Variants in CEP120 observed in about 807,000 individuals in gnomAD.
The protein encoded by CEP120 is centrosomal protein of 120 kDa.
In CEP120, 113 loss-of-function variants were observed where a neutral mutation model predicts 126.5. The ratio of observed to expected loss-of-function variants is 0.89; its 90% confidence interval spans 0.77 to 1.04. The LOEUF (loss-of-function observed/expected upper bound fraction) is 1.04, where lower values mean the gene tolerates loss of function less well. Among genes scored for constraint, CEP120 ranks in the 50% least tolerant of loss-of-function variants. The pLI, the probability that CEP120 is intolerant of heterozygous loss-of-function variation, is 0.00. For missense variants in CEP120, 1,230 were observed against 1,155.7 expected, an observed-to-expected ratio of 1.06 and a Z score of -0.93; for synonymous variants, 400 against 394.3, an observed-to-expected ratio of 1.01 and a Z score of -0.17.
chr5:123,362,427 A>G (rs937529817), intron 18 of CEP120, among the ~76,000 whole-genome samples: 1 of 151,830 alleles, frequency 6.6e-6, no homozygotes, highest in African/African-American at 2.4e-5. Context: ...TGGGTCTATC[A>G]CTTAGTACCT....
rs776090638 is a variant in CEP120 at position 123,386,675 on chromosome 5, TTAA to T, written c.1431-11_1431-9del. On this transcript the variant is annotated splice_polypyrimidine_tract_variant and intron_variant, in intron 9 of 19. Coordinates refer to ENST00000306467, the MANE Select transcript of CEP120 (RefSeq NM_001375405.1). ...AAGAATGGATATGAGTACCTAGAAT[TTAA>T]AAAAAAAAAAAAAAAAAAAAGCCTT... The T allele has an allele frequency of 0.038, 25,637 of 670,252 alleles. 198 individuals are homozygous for T. The highest frequency in any genetic ancestry group is 0.052 in the Middle Eastern group (108 of 2,074). 41.5% of individuals were successfully genotyped at this position (670,252 alleles called of 1,614,324 possible). A position where few individuals can be genotyped will look rare whatever the true frequency, so the allele number is the denominator to read the frequency against.
rs759626203 is a variant in CEP120, at chr5:123,393,377, G to A, written c.733C>T (p.Pro245Ser). Reference protein sequence around the residue: ...FNDLINPNFEPERASVRIRSS... With the variant: ...FNDLINPNFESERASVRIRSS... The stretch of plus-strand genomic sequence containing the variant: ...CGGATGCGAACTGATGCTCTCTCTG[G>A]CTCAAAGTTTGGGTTGATTAAATCA... Residue 245 changes from proline (P) to serine (S), a missense_variant, in exon 6 of 20, where the codon CCA becomes TCA. Transcript: ENST00000306467. The A allele has an allele frequency of 2.5e-6, 4 of 1,614,072 alleles. No individual in the cohort carries two copies. The highest frequency in any genetic ancestry group is 3.4e-6 in the Non-Finnish European group (4 of 1,179,980).
In CEP120 at chr5:123,382,117, C is replaced by T. The variant is rs1191300655; in HGVS notation, c.2097G>A (p.Lys699=). Residue 699 remains lysine (K), a synonymous_variant, in exon 14 of 20, where the codon AAG becomes AAA. Transcript: ENST00000306467. ...CTTTTACACAAGTTATTACCTTTTT[C>T]TTTACTAGTGATTCTCTTTCTCGGT... is the stretch of plus-strand genomic sequence containing the variant. ...KRDRERESLV[K]KKVAEYTILE... is the part of the protein sequence containing the mutation. The T allele has an allele frequency of 6.3e-7, 1 of 1,593,328 alleles. No homozygotes were observed. Among genetic ancestry groups the T allele is most frequent in the Non-Finnish European group, 8.6e-7 (1 of 1,165,960 alleles).
At chr5:123,391,407 A>T in intron 6 of CEP120, 70 bp from the exon 7 acceptor site, 1 of 1,222,088 alleles carries the variant, frequency 8.2e-7, no homozygotes. Flanking sequence ...CATAAACTTA[A>T]TAAGAAGTTG....
chr5:123,419,707 A>G (rs578160805), intron 1 of CEP120, among the ~76,000 whole-genome samples: 1 of 152,288 alleles, frequency 6.6e-6, no homozygotes, highest in South Asian at 2.1e-4. Context: ...GCCAAACCCC[A>G]TTTCATCAAT....
chr5:123,422,632 G>A (rs1297592874), intron 1 of CEP120: 10 of 1,223,562 alleles, frequency 8.2e-6, no homozygotes, highest in Non-Finnish European at 1.2e-5. Context: ...TGATCAGAAC[G>A]CGCTTCTCAG....
intron 6 of CEP120, among the ~76,000 whole-genome samples, chr5:123,392,172 GA>G (rs1468639146): frequency 6.6e-6 from 1 of 151,696 alleles, no homozygotes; most frequent in African/African-American, 2.4e-5. Flanking sequence ...TTATGGGCTG[GA>G]AAAAAAAGTA....
chr5:123,365,240 A>C (rs997794537), intron 17 of CEP120, among the ~76,000 whole-genome samples: 1 of 149,744 alleles, frequency 6.7e-6, no homozygotes, highest in Non-Finnish European at 1.5e-5. Flanking sequence ...TAAAGAAAAC[A>C]CTAAAGTGAT....
chr5:123,410,844 T>C (rs138505784), intron 4 of CEP120, among the ~76,000 whole-genome samples: 328 of 152,308 alleles, frequency 2.2e-3, no homozygotes, highest in Non-Finnish European at 3.8e-3. Flanking sequence ...CGGACTTCAT[T>C]AAAATTTAAA....
At chr5:123,353,276 G>T (rs563816168) in intron 18 of CEP120, among the ~76,000 whole-genome samples, 175 of 151,854 alleles carry the variant, frequency 1.2e-3, no homozygotes, top group African/African-American at 3.9e-3. Flanking sequence ...CAAATTTCCT[G>T]TCTAGTCTTA....
intron 17 of CEP120, 47 bp from the exon 18 acceptor site, chr5:123,364,641 T>C: frequency 1.8e-6 from 2 of 1,091,156 alleles, no homozygotes; most frequent in Non-Finnish European, 2.7e-6. Flanking sequence ...TACCACTGTG[T>C]ACAACCACTG....
chr5:123,416,404 TA>T (rs905714524), intron 2 of CEP120, among the ~76,000 whole-genome samples: 1 of 149,886 alleles, frequency 6.7e-6, no homozygotes, highest in Non-Finnish European at 1.5e-5. Flanking sequence ...CTACTAAAAT[TA>T]AAAAAAACAA....
At chr5:123,379,450 T>G (rs1771492478) in intron 14 of CEP120, among the ~76,000 whole-genome samples, 1 of 152,104 alleles carries the variant, frequency 6.6e-6, no homozygotes, top group Non-Finnish European at 1.5e-5. Context: ...TTCTGATATT[T>G]CTACCGTTCT....
At chr5:123,396,276 T>C (rs897977386) in intron 5 of CEP120, among the ~76,000 whole-genome samples, 1 of 152,216 alleles carries the variant, frequency 6.6e-6, no homozygotes, top group Admixed American at 6.5e-5. Context: ...ATACAGATTT[T>C]TATTTGAATA....
intron 1 of CEP120, among the ~76,000 whole-genome samples, chr5:123,418,999 T>C (rs1436221077): frequency 6.6e-6 from 1 of 152,166 alleles, no homozygotes; most frequent in Non-Finnish European, 1.5e-5. Context: ...ATAAGAAACA[T>C]GAATCAAATG....
intron 17 of CEP120, among the ~76,000 whole-genome samples, chr5:123,368,313 C>T (rs1367244762): frequency 6.6e-6 from 1 of 151,900 alleles, no homozygotes; most frequent in Non-Finnish European, 1.5e-5. Flanking sequence ...CTCTTAGACA[C>T]CCACATAATA....
chr5:123,387,543 T>C (rs935956791), intron 9 of CEP120, among the ~76,000 whole-genome samples: 1 of 152,110 alleles, frequency 6.6e-6, no homozygotes, highest in Non-Finnish European at 1.5e-5. Context: ...ATACAGAGCA[T>C]GGTATGAAAA....
Position 123,399,220 on chromosome 5 carries a change from G to C in CEP120, c.528C>G (p.Gly176=). The C allele has an allele frequency of 6.2e-7, 1 of 1,613,914 alleles. No individual in the cohort carries two copies. Among genetic ancestry groups the C allele is most frequent in the South Asian group, 1.1e-5 (1 of 91,078 alleles). ...DIVAVLNEEG[G]YHQIGPAEYC... ...ATTCTGCTGGTCCAATCTGATGGTAGCCTCCCTCTTCATTCAGCACAGCCA... is the reference window on the plus strand; with the variant it reads ...ATTCTGCTGGTCCAATCTGATGGTACCCTCCCTCTTCATTCAGCACAGCCA... The change falls in exon 5 of 20, where the codon GGC becomes GGG. Residue 176 remains glycine (G), a synonymous_variant. Coordinates refer to ENST00000306467, the MANE Select transcript of CEP120 (RefSeq NM_001375405.1).
At chr5:123,412,618 A>C (rs1210186664) in intron 3 of CEP120, 78 bp from the exon 4 acceptor site, 7 of 1,013,674 alleles carry the variant, frequency 6.9e-6, no homozygotes, top group Non-Finnish European at 9.4e-6. Context: ...TACAGTTCTA[A>C]ATAAATTTAT....
Sources: allele counts gnomAD v4.1 joint callset (sites outside exome capture counted in the v4.1 genomes callset), GRCh38; gene constraint gnomAD v4.1.1; transcripts MANE v1.5; gene names NCBI Gene and HGNC (gene_info 2026-07-23, HGNC 2026-07-21).